The following SLIT1 variants were observed in gnomAD, a reference collection of about 807,000 sequenced individuals.
SLIT1 encodes the protein slit guidance ligand 1, also known as slit homolog 1 protein.
SLIT1 carries 66 observed loss-of-function variants against 186.1 expected under a neutral mutation model. The ratio of observed to expected loss-of-function variants is 0.35; its 90% CI spans 0.29 to 0.44. The LOEUF (loss-of-function observed/expected upper bound fraction) is 0.44, where lower values mean the gene tolerates loss of function less well. Among genes scored for constraint, SLIT1 ranks in the 20% least tolerant of loss-of-function variants. The probability of loss-of-function intolerance (pLI) is 1.00; values close to 1 mark genes in which losing one functional copy is unlikely to be tolerated. For missense variants in SLIT1, 1,638 were observed against 2,037.4 expected, an observed-to-expected ratio of 0.80 and a Z score of 3.77; for synonymous variants, 761 against 833.8, an observed-to-expected ratio of 0.91 and a Z score of 1.50.
At chr10:97,156,547 G>A (rs1315777567) in intron 4 of SLIT1, among the ~76,000 whole-genome samples, 4 of 152,114 alleles carry the variant, frequency 2.6e-5, no homozygotes, top group South Asian at 2.1e-4. Flanking sequence ...CACTGTATTC[G>A]GCCTGGGTGA....
chr10:97,082,965 T>C (rs1042169172), intron 4 of SLIT1, among the ~76,000 whole-genome samples: 2 of 152,180 alleles, frequency 1.3e-5, no homozygotes, highest in Admixed American at 1.3e-4. Flanking sequence ...CAGGCTGGAG[T>C]CCAGTGGCAT....
intron 4 of SLIT1, among the ~76,000 whole-genome samples, chr10:97,096,748 G>T (rs1166024536): frequency 3.9e-5 from 6 of 152,152 alleles, no homozygotes; most frequent in Admixed American, 3.9e-4. Context: ...GGGGCCAGCG[G>T]TTTTCTCACT....
At position 97,000,852 on chromosome 10, in the gene SLIT1, A is replaced by G. The variant is rs2134582852; in HGVS notation, c.*260T>C. On this transcript the variant is annotated 3_prime_UTR_variant, in exon 37 of 37. Transcript: ENST00000266058. ...TCACGCACACATTCACTCAACAAAT[A>G]TTTATTAAGCGCCTATTTGTGCAAG... 1 of 517,804 alleles carries G rather than the reference A, an allele frequency of 1.9e-6. No homozygotes were observed. Among genetic ancestry groups the G allele is most frequent in the South Asian group, 2.7e-5 (1 of 37,468 alleles). 32.1% of individuals were successfully genotyped at this position (517,804 alleles called of 1,614,324 possible).
In SLIT1 at chr10:97,087,009, G is replaced by A. The variant is rs1849167108; in HGVS notation, c.414-20923C>T. On this transcript the variant is annotated intron_variant, in intron 4 of 36. Transcript: ENST00000266058. Reference sequence around the variant, plus strand: ...GGAGGCTGTGCTTGTGAGGGAATGGGGATGGGGTAAATTGGGAATCTCTGT... The same window carrying A: ...GGAGGCTGTGCTTGTGAGGGAATGGAGATGGGGTAAATTGGGAATCTCTGT... 2.6e-5 allele frequency among the ~76,000 whole-genome samples: 4 copies of A among 152,014 alleles called. No individual in the cohort carries two copies. The South Asian group carries it at 8.3e-4, about 32-fold the overall frequency.
At chr10:97,148,392 G>A (rs1000055406) in intron 4 of SLIT1, among the ~76,000 whole-genome samples, 16 of 151,480 alleles carry the variant, frequency 1.1e-4, no homozygotes, top group African/African-American at 3.6e-4. Flanking sequence ...GGGCTCAAGC[G>A]ATCCTCACAC....
Position 97,001,319 on chromosome 10 carries a change from G to A in SLIT1, c.4398C>T (p.Asp1466=), listed in dbSNP as rs540934042. The change falls in exon 37 of 37, where the codon GAC becomes GAT. Residue 1466 remains aspartate (D), a synonymous_variant. Coordinates refer to ENST00000266058, the MANE Select transcript of SLIT1 (RefSeq NM_003061.3). The part of the protein sequence containing the change: ...ESECRGDPVR[D]FHQVQRGYAI... The stretch of plus-strand genomic sequence containing the variant: ...CATAGCCCCTCTGGACCTGGTGAAA[G>A]TCCCGGACAGGGTCCCCCCGGCACT... 8.0e-5 allele frequency: 129 copies of A among 1,613,054 alleles called. 2 individuals carry two copies. The South Asian group carries it at 1.3e-3, about 17-fold the overall frequency.
At chr10:97,100,074 G>T (rs1027895704) in intron 4 of SLIT1, among the ~76,000 whole-genome samples, 1 of 152,184 alleles carries the variant, frequency 6.6e-6, no homozygotes, top group Non-Finnish European at 1.5e-5. Context: ...TTGACAATAA[G>T]TGACATGATG....
rs1014499978 is a variant in SLIT1, at chr10:96,999,640, A to G, written c.*1472T>C. ...TTTAGCCCATTCACAGTTTGGCCTC[A>G]CAAACCATCTTTCTACATTTTCACT... On this transcript the variant is annotated 3_prime_UTR_variant, in exon 37 of 37. Coordinates refer to ENST00000266058, the MANE Select transcript of SLIT1 (RefSeq NM_003061.3). The G allele has an allele frequency of 6.6e-6, 1 of 152,264 alleles. No homozygotes were observed. Among genetic ancestry groups the G allele is most frequent in the Non-Finnish European group, 1.5e-5 (1 of 68,072 alleles). 9.4% of individuals were successfully genotyped at this position (152,264 alleles called of 1,614,324 possible). A position where few individuals can be genotyped will look rare whatever the true frequency, so the allele number is the denominator to read the frequency against.
chr10:97,041,474 T>C (rs1470242086), intron 20 of SLIT1, among the ~76,000 whole-genome samples: 1 of 94,836 alleles, frequency 1.1e-5, no homozygotes, highest in East Asian at 2.0e-4. Context: ...AAATCGTTAA[T>C]TTTTTTTTTT....
At chr10:97,052,104 G>T (rs868110221) in intron 13 of SLIT1, among the ~76,000 whole-genome samples, 19 of 137,084 alleles carry the variant, frequency 1.4e-4, no homozygotes, top group Admixed American at 2.2e-4. Flanking sequence ...TTTTTTGTTT[G>T]TTTTTTTTTT....
intron 4 of SLIT1, among the ~76,000 whole-genome samples, chr10:97,136,834 T>C (rs1159087327): frequency 6.6e-6 from 1 of 152,196 alleles, no homozygotes; most frequent in Admixed American, 6.5e-5. Flanking sequence ...CAGGAACACC[T>C]CTCAACCTAG....
chr10:97,025,189 C>T (rs1773507471), intron 25 of SLIT1, among the ~76,000 whole-genome samples: 1 of 152,154 alleles, frequency 6.6e-6, no homozygotes, highest in African/African-American at 2.4e-5. Flanking sequence ...GCAGGAGCAT[C>T]GCTTGAACCC....
chr10:97,094,732 C>A (rs1171698728), intron 4 of SLIT1, among the ~76,000 whole-genome samples: 1 of 152,076 alleles, frequency 6.6e-6, no homozygotes, highest in East Asian at 1.9e-4. Context: ...AGTAAGAAGT[C>A]GGGGAATGCA....
intron 1 of SLIT1, among the ~76,000 whole-genome samples, chr10:97,178,544 A>G (rs1850286887): frequency 6.6e-6 from 1 of 152,230 alleles, no homozygotes; most frequent in African/African-American, 2.4e-5. Flanking sequence ...AGGATTGTGG[A>G]CCTGGGAAAA....
intron 4 of SLIT1, among the ~76,000 whole-genome samples, chr10:97,119,004 T>C (rs1242376720): frequency 6.6e-6 from 1 of 152,216 alleles, no homozygotes; most frequent in Non-Finnish European, 1.5e-5. Flanking sequence ...ATGCACAACG[T>C]GACCCCGAAG....
Position 97,068,931 on chromosome 10 carries a change from C to T in SLIT1, c.414-2845G>A, listed in dbSNP as rs1848977525. Among the ~76,000 whole-genome samples the T allele has an allele frequency of 6.6e-6, 1 of 152,214 alleles. No individual in the cohort carries two copies. The highest frequency in any genetic ancestry group is 2.4e-5 in the African/African-American group (1 of 41,458). ...AGAGGCTCATTTCAGTCTTTGCCTG[C>T]CTAATCCTTGTTATCATCTCTTCCT... On this transcript the variant is annotated intron_variant, in intron 4 of 36. Coordinates refer to ENST00000266058, the MANE Select transcript of SLIT1 (RefSeq NM_003061.3). This position sits in a 1 kb window ranked among gnomAD's most constrained non-coding sequence, Gnocchi z 4.2.
chr10:97,018,961 C>T (rs1337409143), intron 27 of SLIT1, 22 bp downstream of exon 27: 9 of 1,473,984 alleles, frequency 6.1e-6, no homozygotes, highest in African/African-American at 2.8e-5. Flanking sequence ...CCTCCTCCTC[C>T]CCGGCCTCTG....
At position 97,068,805 on chromosome 10, in the gene SLIT1, C is replaced by T. The variant is rs146131081; in HGVS notation, c.414-2719G>A. On this transcript the variant is annotated intron_variant, in intron 4 of 36. Transcript: ENST00000266058. This position sits in a 1 kb window ranked among gnomAD's most constrained non-coding sequence, Gnocchi z 4.2. ...TCTGTCAGTATTCCTGGAGACATTC[C>T]CCAGATTCCGCCCATTTAGGCTACT... is the stretch of plus-strand genomic sequence containing the variant. Among the ~76,000 whole-genome samples, 1,353 of 152,262 alleles carry T rather than the reference C, an allele frequency of 8.9e-3. 10 individuals carry two copies. Among genetic ancestry groups the T allele is most frequent in the Non-Finnish European group, 0.014 (975 of 68,028 alleles).
chr10:97,115,777 A>T (rs899450666), intron 4 of SLIT1, among the ~76,000 whole-genome samples: 1 of 152,202 alleles, frequency 6.6e-6, no homozygotes, highest in African/African-American at 2.4e-5. Context: ...CTGTACTGTG[A>T]AAATGGTGTT....
Sources: allele counts gnomAD v4.1 joint callset (sites outside exome capture counted in the v4.1 genomes callset), GRCh38; gene constraint gnomAD v4.1.1; non-coding constraint Gnocchi (gnomAD v3.1); transcripts MANE v1.5; gene names NCBI Gene and HGNC (gene_info 2026-07-23, HGNC 2026-07-21).